Variants in KCNH8 observed in about 807,000 individuals in gnomAD.
KCNH8 encodes voltage-gated delayed rectifier potassium channel KCNH8.
Under a neutral mutation model 103.6 loss-of-function variants are expected in KCNH8, and 70 were observed. That is an observed-to-expected ratio of 0.68 (90% CI 0.56 to 0.82). The LOEUF (loss-of-function observed/expected upper bound fraction) is 0.82. Among genes scored for constraint, KCNH8 ranks in the 40% least tolerant of loss-of-function variants. The probability of loss-of-function intolerance (pLI) is 0.00; values close to 1 mark genes in which losing one functional copy is unlikely to be tolerated. For missense variants in KCNH8, 1,217 were observed against 1,329.9 expected, an observed-to-expected ratio of 0.92 and a Z score of 1.32; for synonymous variants, 498 against 489.4, an observed-to-expected ratio of 1.02 and a Z score of -0.23.
chr3:19,244,302 A>G (rs1297865214), intron 1 of KCNH8, among the ~76,000 whole-genome samples: 1 of 152,186 alleles, frequency 6.6e-6, no homozygotes, highest in South Asian at 2.1e-4. Context: ...TTGCAAAGGC[A>G]GGAGAAAAGT....
chr3:19,438,794 G>C (rs2067237576), intron 8 of KCNH8, among the ~76,000 whole-genome samples: 1 of 152,110 alleles, frequency 6.6e-6, no homozygotes, highest in Non-Finnish European at 1.5e-5. Flanking sequence ...TTTTACATAT[G>C]CCCTCTTTCT....
intron 11 of KCNH8, among the ~76,000 whole-genome samples, chr3:19,500,754 C>T (rs953803714): frequency 1.3e-5 from 2 of 151,888 alleles, no homozygotes; most frequent in Non-Finnish European, 2.9e-5. Context: ...CACAACATAC[C>T]AGAATCTCTG....
intron 11 of KCNH8, among the ~76,000 whole-genome samples, chr3:19,498,504 G>A (rs895073587): frequency 1.3e-5 from 2 of 151,974 alleles, no homozygotes; most frequent in Non-Finnish European, 2.9e-5. Flanking sequence ...CACTTATGAA[G>A]CTTAGTTTGG....
At chr3:19,252,258 C>G (rs1277214056) in intron 1 of KCNH8, among the ~76,000 whole-genome samples, 2 of 152,172 alleles carry the variant, frequency 1.3e-5, no homozygotes, top group African/African-American at 4.8e-5. Flanking sequence ...TATTGACTGT[C>G]TCTCCCCCAG....
intron 2 of KCNH8, among the ~76,000 whole-genome samples, chr3:19,262,392 C>T (rs767079035): frequency 6.6e-6 from 1 of 151,924 alleles, no homozygotes; most frequent in South Asian, 2.1e-4. Flanking sequence ...TTCAATATGA[C>T]TCTGGAAGAT....
intron 11 of KCNH8, among the ~76,000 whole-genome samples, chr3:19,480,540 G>C (rs1301801488): frequency 6.6e-6 from 1 of 152,156 alleles, no homozygotes; most frequent in Non-Finnish European, 1.5e-5. Context: ...GCAATTATAG[G>C]TTGAATAGCC....
intron 5 of KCNH8, among the ~76,000 whole-genome samples, chr3:19,360,131 A>G (rs908579725): frequency 6.6e-6 from 1 of 152,106 alleles, no homozygotes; most frequent in Admixed American, 6.6e-5. Flanking sequence ...GAAAATAAGA[A>G]CAATGTGGCA....
chr3:19,416,509 A>T (rs181653551), intron 7 of KCNH8, among the ~76,000 whole-genome samples: 52 of 152,216 alleles, frequency 3.4e-4, no homozygotes, highest in African/African-American at 1.2e-3. Context: ...CATTAGTTCA[A>T]ATTCATTGTG....
intron 5 of KCNH8, among the ~76,000 whole-genome samples, chr3:19,354,601 G>GA (rs2065852639): frequency 6.6e-6 from 1 of 152,140 alleles, no homozygotes; most frequent in Non-Finnish European, 1.5e-5. Context: ...TCTGATCTTT[G>GA]ACAAACCTGA....
intron 1 of KCNH8, among the ~76,000 whole-genome samples, chr3:19,152,921 G>C (rs772612695): frequency 6.6e-6 from 1 of 151,940 alleles, no homozygotes; most frequent in Non-Finnish European, 1.5e-5. Flanking sequence ...GGGTGACAGA[G>C]TGAGACTCTG....
chr3:19,192,242 G>T (rs550154738), intron 1 of KCNH8, among the ~76,000 whole-genome samples: 1 of 151,662 alleles, frequency 6.6e-6, no homozygotes, highest in East Asian at 1.9e-4. Flanking sequence ...CATATTTCTG[G>T]CACTTTTGCC....
chr3:19,513,189 A>G lies in KCNH8; in HGVS notation c.2299A>G (p.Ile767Val), dbSNP rs746719128. The change falls in exon 13 of 16, where the codon ATC becomes GTC. Residue 767 changes from isoleucine (I) to valine (V), a missense_variant. By Grantham distance (29) the Ile-to-Val change is conservative (BLOSUM62 3). Around this residue, in one of 3 missense-constraint regions of KCNH8, gnomAD observed 558 missense variants for 495.8 expected, o/e 1.13. Transcript: ENST00000328405. ...ASGTVPFHSP[I>V]RVSRSNSPKT... Reference sequence around the variant, plus strand: ...GGGAACGGTGCCCTTTCACTCGCCTATCAGAGTCTCCAGGTCAAATTCCCC... The same window carrying G: ...GGGAACGGTGCCCTTTCACTCGCCTGTCAGAGTCTCCAGGTCAAATTCCCC... 2.5e-6 allele frequency: 4 copies of G among 1,613,954 alleles called. No individual in the cohort carries two copies. The highest frequency in any genetic ancestry group is 1.1e-5 in the South Asian group (1 of 91,078).
chr3:19,251,585 C>T (rs2064278417), intron 1 of KCNH8, among the ~76,000 whole-genome samples: 2 of 152,082 alleles, frequency 1.3e-5, no homozygotes, highest in Non-Finnish European at 2.9e-5. Context: ...GATGGAGAAA[C>T]ACATGGAATA....
Position 19,504,412 on chromosome 3 carries a change from A to C in KCNH8, c.2041-5951A>C, listed in dbSNP as rs372964910. 1.1e-4 allele frequency among the ~76,000 whole-genome samples: 17 copies of C among 152,322 alleles called. No individual in the cohort carries two copies. The East Asian group carries it at 3.3e-3, about 29-fold the overall frequency. Reference sequence around the variant, plus strand: ...ACAAACAGCCTACAGAGTGGTAGAAAATTTTTGCAAACCTTGCATCTAACA... The same window carrying C: ...ACAAACAGCCTACAGAGTGGTAGAACATTTTTGCAAACCTTGCATCTAACA... On this transcript the variant is annotated intron_variant, in intron 11 of 15. Coordinates refer to ENST00000328405, the MANE Select transcript of KCNH8 (RefSeq NM_144633.3).
At chr3:19,405,850 G>C (rs1419770623) in intron 7 of KCNH8, among the ~76,000 whole-genome samples, 2 of 151,888 alleles carry the variant, frequency 1.3e-5, no homozygotes, top group East Asian at 3.9e-4. Context: ...AATCCTTCTT[G>C]CATCATAAAC....
intron 5 of KCNH8, among the ~76,000 whole-genome samples, chr3:19,348,421 G>A (rs933035852): frequency 3.3e-5 from 5 of 152,110 alleles, no homozygotes; most frequent in African/African-American, 1.2e-4. Context: ...GAAACAAAGG[G>A]TTACATAAGC....
At chr3:19,196,667 C>T (rs2063605440) in intron 1 of KCNH8, among the ~76,000 whole-genome samples, 2 of 151,990 alleles carry the variant, frequency 1.3e-5, no homozygotes, top group South Asian at 2.1e-4. Context: ...AAATTGACTT[C>T]CTTTCTCCGC....
chr3:19,325,478 T>C (rs1462149345), intron 3 of KCNH8, among the ~76,000 whole-genome samples: 1 of 152,024 alleles, frequency 6.6e-6, no homozygotes, highest in Non-Finnish European at 1.5e-5. Context: ...TATAAGGAAC[T>C]TAAACATACT....
At chr3:19,227,731 G>A (rs891373410) in intron 1 of KCNH8, among the ~76,000 whole-genome samples, 25 of 152,312 alleles carry the variant, frequency 1.6e-4, no homozygotes, top group African/African-American at 4.8e-4. Context: ...GCACCATGTG[G>A]TCGCAGCAAT....
Sources: allele counts gnomAD v4.1 joint callset (sites outside exome capture counted in the v4.1 genomes callset), GRCh38; gene constraint gnomAD v4.1.1; regional missense constraint gnomAD v4.1.1; transcripts MANE v1.5; gene names NCBI Gene and HGNC (gene_info 2026-07-23, HGNC 2026-07-21).